ABCC1: variants seen among roughly 807,000 people sequenced by gnomAD.
ABCC1 encodes the protein ATP binding cassette subfamily C member 1 (ABCC1 blood group), also known as multidrug resistance-associated protein 1.
In ABCC1, 83 loss-of-function variants were observed where a neutral mutation model predicts 172.9. The ratio of observed to expected loss-of-function variants is 0.48; its 90% CI spans 0.40 to 0.58. ABCC1 has a LOEUF of 0.58. Among genes scored for constraint, ABCC1 ranks in the 20% least tolerant of loss-of-function variants. The pLI, the probability that ABCC1 is intolerant of heterozygous loss-of-function variation, is 0.00. For synonymous variants in ABCC1, 937 were observed against 825.2 expected (o/e 1.14, Z -2.32); for missense variants, 1,817 against 2,002.7 (o/e 0.91, Z 1.77).
rs1246729439 is a variant in ABCC1, at chr16:16,090,407, G to A, written c.2463G>A (p.Thr821=). ...IGPKGMLKNK[T]RILVTHSMSY... ...CCGGGTGTCCCCTTTGCCCACAGACGCGGATCTTGGTCACGCACAGCATGA... is the reference window on the plus strand; with the variant it reads ...CCGGGTGTCCCCTTTGCCCACAGACACGGATCTTGGTCACGCACAGCATGA... Residue 821 remains threonine, a splice_region_variant and synonymous_variant, in exon 19 of 31, where the codon ACG becomes ACA. Transcript: ENST00000399410. 1.9e-6 allele frequency: 3 copies of A among 1,591,176 alleles called. No homozygotes were observed. Among genetic ancestry groups the A allele is most frequent in the East Asian group, 2.3e-5 (1 of 44,320 alleles).
At chr16:16,035,279 C>A (rs905245462) in intron 6 of ABCC1, among the ~76,000 whole-genome samples, 1 of 151,940 alleles carries the variant, frequency 6.6e-6, no homozygotes, top group Admixed American at 6.6e-5. Flanking sequence ...CGCCTGTAAT[C>A]CCAGCTACTT....
intron 19 of ABCC1, chr16:16,095,181 T>G (rs1331167559): frequency 2.0e-5 from 3 of 152,290 alleles, no homozygotes; most frequent in African/African-American, 4.8e-5. Context: ...TTCTGTGGTG[T>G]TTTCTGGATA....
chr16:16,061,640 G>A (rs546039436), intron 12 of ABCC1, among the ~76,000 whole-genome samples: 1 of 152,188 alleles, frequency 6.6e-6, no homozygotes, highest in Admixed American at 6.5e-5. Context: ...GTCCACGTCT[G>A]TATCACTGTA....
At chr16:16,038,063 T>C (rs1360649719) in intron 7 of ABCC1, among the ~76,000 whole-genome samples, 1 of 151,700 alleles carries the variant, frequency 6.6e-6, no homozygotes, top group Non-Finnish European at 1.5e-5. Context: ...GATGGATGGA[T>C]AGATGATAGA....
intron 1 of ABCC1, among the ~76,000 whole-genome samples, chr16:15,996,996 G>C (rs986454058): frequency 6.6e-6 from 1 of 152,186 alleles, no homozygotes; most frequent in African/African-American, 2.4e-5. Context: ...TCAGGGCTGA[G>C]GGCATGGAGA....
chr16:15,987,180 G>C (rs981754640), intron 1 of ABCC1, among the ~76,000 whole-genome samples: 1 of 152,130 alleles, frequency 6.6e-6, no homozygotes, highest in Non-Finnish European at 1.5e-5. Context: ...AAGAGAGAAT[G>C]TGGAGGGATA....
chr16:16,027,467 G>A (rs1019959595), intron 5 of ABCC1, among the ~76,000 whole-genome samples: 10 of 151,958 alleles, frequency 6.6e-5, no homozygotes, highest in African/African-American at 2.4e-4. Context: ...AACCCACTGG[G>A]GTTTTTTCCC....
chr16:16,033,187 C>T lies in ABCC1; in HGVS notation c.677+17C>T, dbSNP rs8187846. On this transcript the variant is annotated intron_variant, in intron 6 of 30. Coordinates refer to ENST00000399410, the MANE Select transcript of ABCC1 (RefSeq NM_004996.4). The stretch of plus-strand genomic sequence containing the variant: ...GATCACAGGGTAAGGCCAGGCCCCC[C>T]AGACCTCAGGGAGGTGGTGGGGAGT... The T allele has an allele frequency of 1.4e-3, 2,184 of 1,612,264 alleles. 4 individuals are homozygous for T. The highest frequency in any genetic ancestry group is 1.7e-3 in the Non-Finnish European group (1,974 of 1,178,376).
At chr16:16,030,141 G>A (rs1009452469) in intron 5 of ABCC1, among the ~76,000 whole-genome samples, 2 of 152,128 alleles carry the variant, frequency 1.3e-5, no homozygotes, top group Admixed American at 6.6e-5. Flanking sequence ...GTTTCTTTCC[G>A]CTTTTTCTGC....
chr16:16,007,516 A>C (rs2047589439), intron 1 of ABCC1, among the ~76,000 whole-genome samples: 2 of 152,002 alleles, frequency 1.3e-5, no homozygotes, highest in Non-Finnish European at 2.9e-5. Flanking sequence ...GAGCCACTGC[A>C]CCTGACCTGT....
chr16:15,961,263 C>T (rs1283674087), intron 1 of ABCC1, among the ~76,000 whole-genome samples: 3 of 152,084 alleles, frequency 2.0e-5, no homozygotes, highest in African/African-American at 4.8e-5. Context: ...TCCCCAGTTG[C>T]CTTTGATTCT....
chr16:16,101,124 C>T (rs893524968), intron 19 of ABCC1, among the ~76,000 whole-genome samples: 23 of 151,986 alleles, frequency 1.5e-4, no homozygotes, highest in African/African-American at 5.3e-4. Context: ...CTCCGCCTCC[C>T]GGGTTCAAGC....
chr16:16,129,681 G>C (rs531999579), intron 26 of ABCC1, among the ~76,000 whole-genome samples: 2 of 151,834 alleles, frequency 1.3e-5, no homozygotes, highest in African/African-American at 4.8e-5. Context: ...GAGATTACAG[G>C]CTCCCACCAT....
intron 16 of ABCC1, among the ~76,000 whole-genome samples, chr16:16,081,027 C>G (rs1401495537): frequency 6.6e-6 from 1 of 152,040 alleles, no homozygotes; most frequent in Non-Finnish European, 1.5e-5. Flanking sequence ...ATTACTGCAC[C>G]CGGCTAATTT....
At chr16:16,140,213 G>C (rs1021765614) in intron 30 of ABCC1, among the ~76,000 whole-genome samples, 2 of 152,216 alleles carry the variant, frequency 1.3e-5, no homozygotes, top group Non-Finnish European at 2.9e-5. Flanking sequence ...ACAGGGGCAG[G>C]AGATTAGGCC....
chr16:16,026,941 G>A (rs1357020154), intron 5 of ABCC1, among the ~76,000 whole-genome samples: 1 of 152,026 alleles, frequency 6.6e-6, no homozygotes, highest in African/African-American at 2.4e-5. Flanking sequence ...AAAAAACTGT[G>A]CAGTGTTCTG....
chr16:15,952,867 C>T lies in ABCC1; in HGVS notation c.48+3068C>T, dbSNP rs548104126. Among the ~76,000 whole-genome samples, 27 of 137,646 alleles carry T rather than the reference C, an allele frequency of 2.0e-4. 3 individuals carry two copies. In the South Asian group the frequency reaches 6.0e-3, roughly 30 times the overall value. 90.3% of individuals were successfully genotyped at this position (137,646 alleles called of 152,430 possible). A position where few individuals can be genotyped will look rare whatever the true frequency, so the allele number is the denominator to read the frequency against. ...CAACATGGATTGACCCCCGTCTCTA[C>T]TAATAATACCAAAAAAAAAAAAAAA... On this transcript the variant is annotated intron_variant, in intron 1 of 30. Transcript: ENST00000399410.
rs1228532784 is a variant in ABCC1 at position 15,999,769 on chromosome 16, TTCTC to T, written c.49-8010_49-8007del. ...GTGTGAGCCTCTGTGCCCGGCCTCT[TTCTC>T]TCTCTCTCTCTCTCTCTCTCTCTCT... On this transcript the variant is annotated intron_variant, in intron 1 of 30. Coordinates refer to ENST00000399410, the MANE Select transcript of ABCC1 (RefSeq NM_004996.4). Among the ~76,000 whole-genome samples the T allele has an allele frequency of 1.9e-3, 49 of 25,364 alleles. 2 individuals carry two copies. In the Admixed American group the frequency reaches 0.02, roughly 10 times the overall value. 16.6% of individuals were successfully genotyped at this position (25,364 alleles called of 152,430 possible).
intron 20 of ABCC1, 159 bp from the exon 21 acceptor site, chr16:16,106,579 G>A: frequency 1.3e-6 from 1 of 742,704 alleles, no homozygotes; most frequent in South Asian, 1.9e-5. Flanking sequence ...ATGGTGGGGT[G>A]TGGTGCATAT....
Sources: gnomAD v4.1 joint callset for allele counts (sites outside exome capture counted in the v4.1 genomes callset) on GRCh38, gnomAD v4.1.1 for gene constraint, MANE v1.5 for transcripts, NCBI Gene and HGNC (gene_info 2026-07-23, HGNC 2026-07-21) for gene names.